MOSMO: variants seen among roughly 807,000 people sequenced by gnomAD.
MOSMO encodes modulator of smoothened, also known as modulator of smoothened protein.
MOSMO carries 5 observed loss-of-function variants against 18.4 expected under a neutral mutation model. The observed-to-expected ratio is 0.27, with a 90% CI of 0.14 to 0.57. The LOEUF (loss-of-function observed/expected upper bound fraction) is 0.57. Among genes scored for constraint, MOSMO ranks in the 20% least tolerant of loss-of-function variants. The pLI, the probability that MOSMO is intolerant of heterozygous loss-of-function variation, is 0.92. For synonymous variants in MOSMO, 82 were observed against 82.3 expected (o/e 1.00, Z 0.02); for missense variants, 138 against 211.8 (o/e 0.65, Z 2.16).
chr16:22,069,541 T>C (rs776976535), intron 1 of MOSMO, among the ~76,000 whole-genome samples: 1 of 152,088 alleles, frequency 6.6e-6, no homozygotes, highest in African/African-American at 2.4e-5. Context: ...CCAGTAGATA[T>C]GGAGGGAGTT....
At chr16:22,014,156 G>C (rs1429155566) in intron 1 of MOSMO, among the ~76,000 whole-genome samples, 3 of 152,034 alleles carry the variant, frequency 2.0e-5, no homozygotes, top group Non-Finnish European at 2.9e-5. Context: ...TGCTTCCAAA[G>C]ACAAAATGTT....
At chr16:22,068,132 G>A (rs755949724) in intron 1 of MOSMO, among the ~76,000 whole-genome samples, 14 of 152,132 alleles carry the variant, frequency 9.2e-5, no homozygotes, top group Non-Finnish European at 1.6e-4. Context: ...GTAGGTAAAT[G>A]TAAAAGTCAG....
intron 1 of MOSMO, among the ~76,000 whole-genome samples, chr16:22,033,851 C>T (rs1900048258): frequency 6.6e-6 from 1 of 151,906 alleles, no homozygotes; most frequent in Admixed American, 6.6e-5. Context: ...AACATGCTCA[C>T]AATACTTACA....
downstream of MOSMO, chr16:22,086,340 CCTCT>C (rs370747570): frequency 2.6e-5 from 4 of 152,068 alleles, no homozygotes; most frequent in Non-Finnish European, 4.4e-5. Context: ...TCATTTCCCA[CCTCT>C]CTCTCTCGTC....
intron 1 of MOSMO, among the ~76,000 whole-genome samples, chr16:22,019,981 A>G (rs920033693): frequency 6.6e-6 from 1 of 151,996 alleles, no homozygotes; most frequent in African/African-American, 2.4e-5. Flanking sequence ...TGGGAGGCCG[A>G]GGCGGGCAGA....
Position 22,081,405 on chromosome 16 carries a change from C to G in MOSMO, c.*525C>G, listed in dbSNP as rs776787829. On this transcript the variant is annotated 3_prime_UTR_variant, in exon 3 of 3. Coordinates refer to ENST00000542527, the MANE Select transcript of MOSMO (RefSeq NM_001164579.2). ...AGCCTTTGGCACCAGAATGGATTGC[C>G]GTTGCATTACTGCACCAAGAAGCCA... 6.6e-6 allele frequency: 1 copy of G among 151,122 alleles called. No individual in the cohort carries two copies. The highest frequency in any genetic ancestry group is 2.4e-5 in the African/African-American group (1 of 41,122). The allele number at this position is 151,122 out of a possible 1,614,324, so 9.4% of individuals were successfully genotyped here. A position where few individuals can be genotyped will look rare whatever the true frequency, so the allele number is the denominator to read the frequency against.
chr16:22,061,439 T>A (rs139166705), intron 1 of MOSMO, among the ~76,000 whole-genome samples: 2 of 152,326 alleles, frequency 1.3e-5, no homozygotes, highest in African/African-American at 4.8e-5. Flanking sequence ...TATGTTCAGA[T>A]TCTTAATCCC....
chr16:22,027,750 A>G (rs1899905440), intron 1 of MOSMO, among the ~76,000 whole-genome samples: 2 of 152,212 alleles, frequency 1.3e-5, no homozygotes, highest in South Asian at 4.1e-4. Flanking sequence ...GAAGTGAGAA[A>G]GCAAGCTGCT....
chr16:22,044,600 T>A (rs1368598731), intron 1 of MOSMO, among the ~76,000 whole-genome samples: 1 of 152,164 alleles, frequency 6.6e-6, no homozygotes, highest in Non-Finnish European at 1.5e-5. Context: ...TGAAAAATCC[T>A]GATATCTGAA....
At chr16:22,068,915 C>T (rs896668528) in intron 1 of MOSMO, among the ~76,000 whole-genome samples, 11 of 152,182 alleles carry the variant, frequency 7.2e-5, no homozygotes, top group African/African-American at 2.7e-4. Flanking sequence ...CACTAATCAC[C>T]TGGAGTTAGT....
At chr16:22,013,881 G>A (rs550582643) in intron 1 of MOSMO, among the ~76,000 whole-genome samples, 1 of 143,854 alleles carries the variant, frequency 7.0e-6, no homozygotes, top group African/African-American at 2.6e-5. Context: ...GTTACTGTTT[G>A]GGGGGGGGGA....
At chr16:22,039,844 C>A (rs967885635) in intron 1 of MOSMO, among the ~76,000 whole-genome samples, 12 of 152,282 alleles carry the variant, frequency 7.9e-5, no homozygotes, top group South Asian at 4.1e-4. Context: ...TAATGCCTTA[C>A]CCTGTATGAT....
chr16:22,062,774 A>T (rs1037792632), intron 1 of MOSMO, among the ~76,000 whole-genome samples: 1 of 152,190 alleles, frequency 6.6e-6, no homozygotes, highest in African/African-American at 2.4e-5. Context: ...GTCATTCTGC[A>T]TTTACTGAGG....
chr16:22,008,477 C>T, intron 1 of MOSMO, 70 bp downstream of exon 1: 1 of 1,123,720 alleles, frequency 8.9e-7, no homozygotes, highest in South Asian at 1.4e-5. Flanking sequence ...GAGACCCGGA[C>T]TGAGGAGAGG....
chr16:22,013,880 TG>T (rs906762480), intron 1 of MOSMO, among the ~76,000 whole-genome samples: 1,530 of 142,154 alleles, frequency 0.011, 41 homozygotes, highest in East Asian at 0.026. Flanking sequence ...TGTTACTGTT[TG>T]GGGGGGGGGA....
At chr16:22,067,650 A>C (rs1244133057) in intron 1 of MOSMO, among the ~76,000 whole-genome samples, 1 of 152,170 alleles carries the variant, frequency 6.6e-6, no homozygotes, top group East Asian at 1.9e-4. Context: ...ACTTGAGGTC[A>C]GGAGTTTGAG....
chr16:22,018,695 G>A (rs1479614000), intron 1 of MOSMO, among the ~76,000 whole-genome samples: 3 of 152,254 alleles, frequency 2.0e-5, no homozygotes, highest in East Asian at 1.9e-4. Flanking sequence ...TATACCCTGG[G>A]AAGATAAAAT....
intron 1 of MOSMO, among the ~76,000 whole-genome samples, chr16:22,013,264 G>A (rs1899570228): frequency 6.6e-6 from 1 of 152,184 alleles, no homozygotes; most frequent in African/African-American, 2.4e-5. Context: ...TTGCATGTGA[G>A]ATTTGAGTTT....
rs531841279 is a variant in MOSMO, at chr16:22,082,806, C to T, written c.*1926C>T. The stretch of plus-strand genomic sequence containing the variant: ...CTCAGGAATTGGGGAGAGAGATGGA[C>T]CACCACTGTGGTGCATTTCTTAAGT... On this transcript the variant is annotated 3_prime_UTR_variant, in exon 3 of 3. Coordinates refer to ENST00000542527, the MANE Select transcript of MOSMO (RefSeq NM_001164579.2). 1 of 152,270 alleles carries T rather than the reference C, an allele frequency of 6.6e-6. No individual in the cohort carries two copies. Among genetic ancestry groups the T allele is most frequent in the South Asian group, 2.1e-4 (1 of 4,824 alleles). 9.4% of individuals were successfully genotyped at this position (152,270 alleles called of 1,614,324 possible). A position where few individuals can be genotyped will look rare whatever the true frequency, so the allele number is the denominator to read the frequency against.
Sources: allele counts gnomAD v4.1 joint callset (sites outside exome capture counted in the v4.1 genomes callset), GRCh38; gene constraint gnomAD v4.1.1; transcripts MANE v1.5; gene names NCBI Gene and HGNC (gene_info 2026-07-23, HGNC 2026-07-21).